TGFBR2: variants seen among roughly 807,000 people sequenced by gnomAD.
TGFBR2 encodes the protein transforming growth factor beta receptor 2.
In TGFBR2, 18 loss-of-function variants were observed where a neutral mutation model predicts 49.0. The ratio of observed to expected loss-of-function variants is 0.37; its 90% CI spans 0.25 to 0.54. The LOEUF is 0.54. Among genes scored for constraint, TGFBR2 ranks in the 20% least tolerant of loss-of-function variants. The pLI is 0.85. For synonymous variants in TGFBR2, 282 were observed against 275.9 expected (o/e 1.02, Z -0.22); for missense variants, 525 against 722.6 (o/e 0.73, Z 3.13).
intron 5 of TGFBR2, among the ~76,000 whole-genome samples, chr3:30,686,118 A>G (rs765169930): frequency 1.3e-4 from 20 of 152,222 alleles, no homozygotes; most frequent in Non-Finnish European, 2.1e-4. Flanking sequence ...ACTGGGAACC[A>G]GATCTGATTC....
intron 2 of TGFBR2, among the ~76,000 whole-genome samples, chr3:30,649,782 C>T (rs1037113015): frequency 1.3e-5 from 2 of 152,088 alleles, no homozygotes; most frequent in Non-Finnish European, 2.9e-5. Context: ...AAAAGAGGAA[C>T]TGTGACTATT....
At chr3:30,658,716 T>G (rs1699054812) in intron 3 of TGFBR2, among the ~76,000 whole-genome samples, 1 of 152,230 alleles carries the variant, frequency 6.6e-6, no homozygotes, top group Non-Finnish European at 1.5e-5. Flanking sequence ...GCATTTCTTT[T>G]AAGTGAAAAC....
At chr3:30,666,473 C>T (rs184443116) in intron 3 of TGFBR2, among the ~76,000 whole-genome samples, 275 of 152,288 alleles carry the variant, frequency 1.8e-3, no homozygotes, top group Non-Finnish European at 3.2e-3. Context: ...ATATAATCCC[C>T]ATACCCAAAA....
At chr3:30,680,821 G>T (rs983211691) in intron 5 of TGFBR2, among the ~76,000 whole-genome samples, 5 of 152,204 alleles carry the variant, frequency 3.3e-5, no homozygotes, top group Admixed American at 3.3e-4. Context: ...AGCAAGGACA[G>T]AACTGGAGAT....
chr3:30,665,267 G>A (rs1049259100), intron 3 of TGFBR2, among the ~76,000 whole-genome samples: 1 of 152,140 alleles, frequency 6.6e-6, no homozygotes, highest in East Asian at 1.9e-4. Context: ...AACATTAAAA[G>A]GACAGCATTC....
chr3:30,689,982 C>T (rs1042756370), intron 6 of TGFBR2, among the ~76,000 whole-genome samples: 3 of 152,154 alleles, frequency 2.0e-5, no homozygotes, highest in Admixed American at 2.0e-4. Context: ...TTAACAGGGC[C>T]ATCTGTCAAT....
rs1405785027 is a variant in TGFBR2 at position 30,644,862 on chromosome 3, C to G, written c.210C>G (p.Asn70Lys). ...TCDNQKSCMS[N>K]CSITSICEKP... ...ACAACCAGAAATCCTGCATGAGCAA[C>G]TGCAGCATCACCTCCATCTGTGAGA... Residue 70 changes from asparagine to lysine, a missense_variant, in exon 2 of 7, where the codon AAC becomes AAG. Physicochemically the swap from Asn to Lys is moderately conservative, Grantham distance 94. Coordinates refer to ENST00000295754, the MANE Select transcript of TGFBR2 (RefSeq NM_003242.6). The G allele has an allele frequency of 6.2e-7, 1 of 1,614,048 alleles. No individual in the cohort carries two copies. Among genetic ancestry groups the G allele is most frequent in the Non-Finnish European group, 8.5e-7 (1 of 1,180,000 alleles).
At position 30,648,460 on chromosome 3, in the gene TGFBR2, A is replaced by ACACACACACCCC. The variant is rs1553627538; in HGVS notation, c.264-1808_264-1807insCACACACCCCCA. Among the ~76,000 whole-genome samples, 207 of 142,482 alleles carry ACACACACACCCC rather than the reference A, an allele frequency of 1.5e-3. 3 individuals are homozygous for ACACACACACCCC. Among genetic ancestry groups the ACACACACACCCC allele is most frequent in the African/African-American group, 1.3e-3 (51 of 38,208 alleles). 93.5% of individuals were successfully genotyped at this position (142,482 alleles called of 152,430 possible). A position where few individuals can be genotyped will look rare whatever the true frequency, so the allele number is the denominator to read the frequency against. ...CACACACACACACACACACACACACACAAAACTGTGGGGGCAGGGAGGAAG... is the reference window on the plus strand; with the variant it reads ...CACACACACACACACACACACACACACACACACACCCCCAAAACTGTGGGGGCAGGGAGGAAG... On this transcript the variant is annotated intron_variant, in intron 2 of 6. Coordinates refer to ENST00000295754, the MANE Select transcript of TGFBR2 (RefSeq NM_003242.6).
chr3:30,647,409 T>C (rs1698762545), intron 2 of TGFBR2, among the ~76,000 whole-genome samples: 1 of 152,154 alleles, frequency 6.6e-6, no homozygotes, highest in Non-Finnish European at 1.5e-5. Context: ...AAAAACCTCC[T>C]GCACAGAACT....
rs112557095 is a variant in TGFBR2, at chr3:30,624,390, G to A, written c.94+17413G>A. ...CCCGGATCTTTGGGAGGCCGAGGAG[G>A]GCAGATCACGAGGTTAAGAGATTGA... On this transcript the variant is annotated intron_variant, in intron 1 of 6. Coordinates refer to ENST00000295754, the MANE Select transcript of TGFBR2 (RefSeq NM_003242.6). Among the ~76,000 whole-genome samples the A allele has an allele frequency of 2.9e-3, 437 of 152,076 alleles. 1 individual carries two copies. Among genetic ancestry groups the A allele is most frequent in the African/African-American group, 9.8e-3 (408 of 41,472 alleles).
intron 2 of TGFBR2, among the ~76,000 whole-genome samples, chr3:30,646,011 A>G (rs1294388154): frequency 1.3e-5 from 2 of 152,214 alleles, no homozygotes; most frequent in African/African-American, 4.8e-5. Context: ...CATTAATGAG[A>G]TATGACATTT....
chr3:30,662,467 A>C (rs28667103), intron 3 of TGFBR2, among the ~76,000 whole-genome samples: 2,807 of 152,316 alleles, frequency 0.018, 85 homozygotes, highest in African/African-American at 0.064. Context: ...AAATATGTGC[A>C]GTTGGAATAA....
At chr3:30,629,900 C>T (rs1283507529) in intron 1 of TGFBR2, among the ~76,000 whole-genome samples, 1 of 152,108 alleles carries the variant, frequency 6.6e-6, no homozygotes, top group Non-Finnish European at 1.5e-5. Context: ...GGTATGAAAT[C>T]GGGATGAAGA....
In TGFBR2 at chr3:30,606,866, C is replaced by T. The variant is rs753369354; in HGVS notation, c.-18C>T. On this transcript the variant is annotated 5_prime_UTR_variant, in exon 1 of 7. In the 5' UTR this introduces an upstream ATG that the reference lacks. Coordinates refer to ENST00000295754, the MANE Select transcript of TGFBR2 (RefSeq NM_003242.6). ...GCTGCGCTGGGGGCTCGGTCTATGA[C>T]GAGCAGCGGGGTCTGCCATGGGTCG... 6.8e-7 allele frequency: 1 copy of T among 1,479,404 alleles called. No individual in the cohort carries two copies. Among genetic ancestry groups the T allele is most frequent in the Non-Finnish European group, 9.1e-7 (1 of 1,098,710 alleles). The allele number at this position is 1,479,404 out of a possible 1,614,324, so 91.6% of individuals were successfully genotyped here.
chr3:30,625,552 G>A (rs989331677), intron 1 of TGFBR2, among the ~76,000 whole-genome samples: 2 of 152,050 alleles, frequency 1.3e-5, no homozygotes, highest in African/African-American at 4.8e-5. Flanking sequence ...TTGTCCTCTT[G>A]GGAATTGGCA....
intron 3 of TGFBR2, among the ~76,000 whole-genome samples, chr3:30,669,119 T>TAA (rs1699293565): frequency 1.8e-4 from 1 of 5,566 alleles, no homozygotes. Flanking sequence ...CCACTAAAAA[T>TAA]ACAAAAAAAA....
At chr3:30,618,231 G>GTTTTTT (rs397971432) in intron 1 of TGFBR2, among the ~76,000 whole-genome samples, 1 of 128,760 alleles carries the variant, frequency 7.8e-6, no homozygotes, top group Non-Finnish European at 1.7e-5. Context: ...TTTCTTTCTT[G>GTTTTTT]TTTTTTTTTT....
intron 1 of TGFBR2, 76 bp from the exon 2 acceptor site, chr3:30,644,671 A>G: frequency 5.0e-6 from 7 of 1,399,354 alleles, no homozygotes; most frequent in Non-Finnish European, 6.0e-6. Context: ...TTGAAATTGC[A>G]TAACATCTTC....
In TGFBR2 at chr3:30,606,915, C is replaced by T. The variant is rs1206093523; in HGVS notation, c.32C>T (p.Pro11Leu). 2 of 1,595,910 alleles carry T rather than the reference C, an allele frequency of 1.3e-6. No homozygotes were observed. Among genetic ancestry groups the T allele is most frequent in the Admixed American group, 3.4e-5 (2 of 58,334 alleles). Residue 11 changes from proline to leucine, a missense_variant, in exon 1 of 7, where the codon CCG becomes CTG. Around this residue, in one of 3 missense-constraint regions of TGFBR2, gnomAD observed 376 missense variants for 478.2 expected, o/e 0.79. Coordinates refer to ENST00000295754, the MANE Select transcript of TGFBR2 (RefSeq NM_003242.6). MGRGLLRGLW[P>L]LHIVLWTRIA... is the part of the protein sequence containing the mutation. ...CGGGGGCTGCTCAGGGGCCTGTGGC[C>T]GCTGCACATCGTCCTGTGGACGCGT...
Sources: gnomAD v4.1 joint callset for allele counts (sites outside exome capture counted in the v4.1 genomes callset) on GRCh38, gnomAD v4.1.1 for gene constraint, gnomAD v4.1.1 regional missense constraint, MANE v1.5 for transcripts, NCBI Gene and HGNC (gene_info 2026-07-23, HGNC 2026-07-21) for gene names.